The following RPL39L variants were observed in gnomAD, a reference collection of about 807,000 sequenced individuals.
RPL39L encodes the protein ribosomal protein L39 like, also known as ribosomal protein eL39-like 2.
For synonymous variants in RPL39L, 16 were observed against 20.1 expected (o/e 0.80, Z 0.55); for missense variants, 48 against 58.9 (o/e 0.81, Z 0.61).
At chr3:187,135,902 G>A (rs963949319) in intron 1 of RPL39L, among the ~76,000 whole-genome samples, 11 of 152,254 alleles carry the variant, frequency 7.2e-5, no homozygotes, top group African/African-American at 1.2e-4. Context: ...GCCGCATGGC[G>A]AGAGACAGAG....
At chr3:187,136,064 C>T (rs1022345986) in intron 1 of RPL39L, among the ~76,000 whole-genome samples, 1 of 152,242 alleles carries the variant, frequency 6.6e-6, no homozygotes, top group East Asian at 1.9e-4. Context: ...CCTCATCACA[C>T]TGCTTTTGAG....
chr3:187,136,570 T>G (rs1029550392), intron 1 of RPL39L, among the ~76,000 whole-genome samples: 8 of 152,176 alleles, frequency 5.3e-5, no homozygotes, highest in African/African-American at 1.9e-4. Context: ...TTAGTAAGGT[T>G]GTTTGATATG....
chr3:187,130,008 AG>A (rs1720460836), intron 1 of RPL39L, among the ~76,000 whole-genome samples: 1 of 152,232 alleles, frequency 6.6e-6, no homozygotes, highest in Non-Finnish European at 1.5e-5. Context: ...TCTCATACAT[AG>A]TTTTAATATA....
intron 2 of RPL39L, among the ~76,000 whole-genome samples, chr3:187,126,309 C>T (rs1362533001): frequency 6.6e-6 from 1 of 151,928 alleles, no homozygotes. Flanking sequence ...TTACAGGCGC[C>T]TGCCACTACA....
rs1720429382 is a variant in RPL39L at position 187,128,181 on chromosome 3, A to G, written c.-92-119T>C. 3.9e-5 allele frequency: 6 copies of G among 152,336 alleles called. 2 individuals carry two copies. In the South Asian group the frequency reaches 1.2e-3, roughly 32 times the overall value. 9.4% of individuals were successfully genotyped at this position (152,336 alleles called of 1,614,324 possible). ...TGGCCTGAAATTTGTGAAAACCTTA[A>G]GAGAAAATATGGGAAGTCTTTTTGC... On this transcript the variant is annotated intron_variant, in intron 1 of 2. Coordinates refer to ENST00000296277, the MANE Select transcript of RPL39L (RefSeq NM_052969.3).
chr3:187,137,734 G>T (rs919058807), intron 1 of RPL39L, among the ~76,000 whole-genome samples: 5 of 151,110 alleles, frequency 3.3e-5, no homozygotes, highest in African/African-American at 1.2e-4. Flanking sequence ...AGGCTGAGAC[G>T]GGAGAATCAC....
intron 2 of RPL39L, among the ~76,000 whole-genome samples, chr3:187,124,652 T>C (rs992367683): frequency 2.0e-5 from 3 of 152,178 alleles, no homozygotes; most frequent in Non-Finnish European, 2.9e-5. Context: ...TTCTTTAACA[T>C]CTATGCTGAA....
At chr3:187,122,231 A>G (rs1720322494) in intron 2 of RPL39L, among the ~76,000 whole-genome samples, 1 of 152,208 alleles carries the variant, frequency 6.6e-6, no homozygotes, top group South Asian at 2.1e-4. Context: ...AACGAACATC[A>G]ACCTGGGGCC....
rs33967617 is a variant in RPL39L at position 187,137,198 on chromosome 3, C to CAAAAAA, written c.-93+2009_-93+2014dup. 1.6e-4 allele frequency among the ~76,000 whole-genome samples: 6 copies of CAAAAAA among 37,638 alleles called. 1 individual carries two copies. In the East Asian group the frequency reaches 4.6e-3, roughly 29 times the overall value. 24.7% of individuals were successfully genotyped at this position (37,638 alleles called of 152,430 possible). A position where few individuals can be genotyped will look rare whatever the true frequency, so the allele number is the denominator to read the frequency against. On this transcript the variant is annotated intron_variant, in intron 1 of 2. Coordinates refer to ENST00000296277, the MANE Select transcript of RPL39L (RefSeq NM_052969.3). The stretch of plus-strand genomic sequence containing the variant: ...TGGGCAACAGAACAACACTCTTCCT[C>CAAAAAA]AAAAAAAAAAAAAAAAAAAAAAAAA...
At chr3:187,124,250 T>C (rs745823706) in intron 2 of RPL39L, among the ~76,000 whole-genome samples, 5 of 152,180 alleles carry the variant, frequency 3.3e-5, no homozygotes, top group Non-Finnish European at 7.3e-5. Context: ...TACAGTATAA[T>C]ATAGATCCTA....
Position 187,135,157 on chromosome 3 carries a change from C to T in RPL39L, c.-93+4056G>A, listed in dbSNP as rs143484773. ...TGATGGGGCAATCTCATTTCAGTCA[C>T]CTGCAGGTGTCTACTGGGGTGGAGA... On this transcript the variant is annotated intron_variant, in intron 1 of 2. Transcript: ENST00000296277. 1.2e-3 allele frequency among the ~76,000 whole-genome samples: 187 copies of T among 152,282 alleles called. 1 individual carries two copies. Among genetic ancestry groups the T allele is most frequent in the African/African-American group, 4.3e-3 (178 of 41,542 alleles).
At chr3:187,121,907 C>T (rs1720316755) in intron 2 of RPL39L, among the ~76,000 whole-genome samples, 1 of 152,124 alleles carries the variant, frequency 6.6e-6, no homozygotes, top group Non-Finnish European at 1.5e-5. Flanking sequence ...TCTCAATAAC[C>T]CTTTACATTT....
chr3:187,123,769 A>G (rs1254642096), intron 2 of RPL39L, among the ~76,000 whole-genome samples: 1 of 152,214 alleles, frequency 6.6e-6, no homozygotes, highest in Non-Finnish European at 1.5e-5. Context: ...GAACTACAGT[A>G]GGACAAATAG....
intron 1 of RPL39L, among the ~76,000 whole-genome samples, chr3:187,138,994 G>C (rs1446713148): frequency 2.0e-5 from 3 of 151,860 alleles, no homozygotes; most frequent in Non-Finnish European, 4.4e-5. Flanking sequence ...GGAGGCGGAG[G>C]TTGCAGTGAG....
At chr3:187,138,072 A>T (rs1254459867) in intron 1 of RPL39L, among the ~76,000 whole-genome samples, 1 of 152,178 alleles carries the variant, frequency 6.6e-6, no homozygotes, top group African/African-American at 2.4e-5. Context: ...AACAACTCTC[A>T]GTTAATAGAA....
chr3:187,136,300 G>A (rs1383426096), intron 1 of RPL39L, among the ~76,000 whole-genome samples: 1 of 152,230 alleles, frequency 6.6e-6, no homozygotes, highest in Non-Finnish European at 1.5e-5. Context: ...GCCAGAGTTT[G>A]TAACAATATA....
At chr3:187,137,679 C>A (rs983458184) in intron 1 of RPL39L, among the ~76,000 whole-genome samples, 39 of 151,950 alleles carry the variant, frequency 2.6e-4, no homozygotes, top group Admixed American at 7.8e-4. Context: ...AAAAATTAGC[C>A]GGGTGTGGTG....
At chr3:187,124,924 A>C (rs1720373192) in intron 2 of RPL39L, among the ~76,000 whole-genome samples, 1 of 152,252 alleles carries the variant, frequency 6.6e-6, no homozygotes, top group Admixed American at 6.5e-5. Flanking sequence ...TCCAAAGTTC[A>C]GTTGACTGAG....
At chr3:187,137,587 C>A (rs534892415) in intron 1 of RPL39L, among the ~76,000 whole-genome samples, 8 of 151,810 alleles carry the variant, frequency 5.3e-5, no homozygotes, top group Non-Finnish European at 1.2e-4. Flanking sequence ...CTGATGCGGG[C>A]AGATCATCTG....
Sources: gnomAD v4.1 joint callset for allele counts (sites outside exome capture counted in the v4.1 genomes callset) on GRCh38, gnomAD v4.1.1 for gene constraint, MANE v1.5 for transcripts, NCBI Gene and HGNC (gene_info 2026-07-23, HGNC 2026-07-21) for gene names.